Variants in KCNB2 observed in about 807,000 individuals in gnomAD.
The protein encoded by KCNB2 is delayed rectifier potassium channel protein.
KCNB2 carries 15 observed loss-of-function variants against 61.5 expected under a neutral mutation model. That is an observed-to-expected ratio of 0.24 (90% CI 0.16 to 0.38). KCNB2 has a LOEUF of 0.38. KCNB2 is among the 10% of genes least tolerant of loss of function. The pLI, the probability that KCNB2 is intolerant of heterozygous loss-of-function variation, is 1.00. For missense variants in KCNB2, 828 were observed against 1,125.2 expected, an observed-to-expected ratio of 0.74 and a Z score of 3.78; for synonymous variants, 457 against 446.0, an observed-to-expected ratio of 1.02 and a Z score of -0.31.
chr8:72,681,827 A>G (rs1399067906), intron 2 of KCNB2, among the ~76,000 whole-genome samples: 1 of 152,158 alleles, frequency 6.6e-6, no homozygotes, highest in Non-Finnish European at 1.5e-5. Context: ...TAATTTTTTC[A>G]GCTCCATTAT....
chr8:72,684,640 C>A (rs1215631629), intron 2 of KCNB2, among the ~76,000 whole-genome samples: 2 of 152,066 alleles, frequency 1.3e-5, no homozygotes, highest in Admixed American at 1.3e-4. Context: ...TAAATAAAGC[C>A]CTAGTATAGT....
chr8:72,851,830 A>AAAAAAAATAAAAAT (rs1275232914), intron 2 of KCNB2, among the ~76,000 whole-genome samples: 3 of 139,126 alleles, frequency 2.2e-5, no homozygotes, highest in Admixed American at 7.2e-5. Context: ...CTGTAGGAAA[A>AAAAAAAATAAAAAT]AAAAAAAAAA....
intron 2 of KCNB2, among the ~76,000 whole-genome samples, chr8:72,895,623 A>G (rs1426325067): frequency 6.6e-6 from 1 of 152,210 alleles, no homozygotes; most frequent in East Asian, 1.9e-4. Context: ...ATGCAACAGA[A>G]TAAAGTTGCA....
At chr8:72,659,777 A>G (rs565983157) in intron 2 of KCNB2, among the ~76,000 whole-genome samples, 1 of 152,254 alleles carries the variant, frequency 6.6e-6, no homozygotes, top group African/African-American at 2.4e-5. Flanking sequence ...TCAGATGATC[A>G]TTAGCATTTT....
intron 2 of KCNB2, among the ~76,000 whole-genome samples, chr8:72,849,167 T>TTG (rs1554538572): frequency 6.7e-6 from 1 of 150,370 alleles, no homozygotes; most frequent in African/African-American, 2.5e-5. Flanking sequence ...TTTTTTATTT[T>TTG]ACAATATCTA....
chr8:72,914,693 G>A lies in KCNB2; in HGVS notation c.580-21242G>A, dbSNP rs958725927. The stretch of plus-strand genomic sequence containing the variant: ...AAGAATTTAAAACAATTTAATGGAC[G>A]ATACATTGGTGTTGAGAATTCAGCC... On this transcript the variant is annotated intron_variant, in intron 2 of 2. Coordinates refer to ENST00000523207, the MANE Select transcript of KCNB2 (RefSeq NM_004770.3). Among the ~76,000 whole-genome samples, 6 of 152,134 alleles carry A rather than the reference G, an allele frequency of 3.9e-5. No individual in the cohort carries two copies. The South Asian group carries it at 6.2e-4, about 16-fold the overall frequency.
chr8:72,636,906 A>G (rs1805974423), intron 2 of KCNB2, among the ~76,000 whole-genome samples: 1 of 152,270 alleles, frequency 6.6e-6, no homozygotes, highest in African/African-American at 2.4e-5. Context: ...AAGACTGATC[A>G]TTGTTTTCCA....
At chr8:72,818,631 T>C (rs1440336) in intron 2 of KCNB2, among the ~76,000 whole-genome samples, 20,478 of 152,214 alleles carry the variant, frequency 0.13, 2,071 homozygotes, top group East Asian at 0.48. Flanking sequence ...ATATATTTTA[T>C]GATGCTAGTT....
intron 2 of KCNB2, among the ~76,000 whole-genome samples, chr8:72,573,659 G>A (rs1451833590): frequency 6.9e-5 from 10 of 144,228 alleles, no homozygotes; most frequent in Non-Finnish European, 1.4e-4. Context: ...TCTGTGTACC[G>A]TGCAGTGCTC....
chr8:72,564,756 T>C (rs1377756571), intron 1 of KCNB2, among the ~76,000 whole-genome samples: 1 of 152,158 alleles, frequency 6.6e-6, no homozygotes, highest in African/African-American at 2.4e-5. Flanking sequence ...AGAGAAAAGT[T>C]TGGACCCACA....
Position 72,873,969 on chromosome 8 carries a change from A to T in KCNB2, c.580-61966A>T, listed in dbSNP as rs140893249. ...CCTGAAACTCATTTTCTGATAGCAG[A>T]TAGAGTGTCATTTACAGTTTTGACA... On this transcript the variant is annotated intron_variant, in intron 2 of 2. Transcript: ENST00000523207. 8.5e-3 allele frequency among the ~76,000 whole-genome samples: 1,289 copies of T among 152,328 alleles called. 16 individuals are homozygous for T. Among genetic ancestry groups the T allele is most frequent in the African/African-American group, 0.029 (1,220 of 41,582 alleles).
At chr8:72,711,185 T>C (rs1445007938) in intron 2 of KCNB2, among the ~76,000 whole-genome samples, 3 of 152,230 alleles carry the variant, frequency 2.0e-5, no homozygotes, top group African/African-American at 7.2e-5. Flanking sequence ...AATTGATTAC[T>C]CTGGACCAGA....
chr8:72,616,499 T>C (rs1805621828), intron 2 of KCNB2, among the ~76,000 whole-genome samples: 1 of 152,212 alleles, frequency 6.6e-6, no homozygotes, highest in Non-Finnish European at 1.5e-5. Context: ...TTTTTCTTTT[T>C]TCATTCAGGT....
intron 2 of KCNB2, among the ~76,000 whole-genome samples, chr8:72,674,239 A>G (rs1334715763): frequency 6.6e-6 from 1 of 152,226 alleles, no homozygotes; most frequent in African/African-American, 2.4e-5. Flanking sequence ...TGGTGATGAT[A>G]ATATCTACCT....
At chr8:72,919,792 G>A (rs1036933275) in intron 2 of KCNB2, among the ~76,000 whole-genome samples, 11 of 152,058 alleles carry the variant, frequency 7.2e-5, no homozygotes, top group African/African-American at 2.2e-4. Flanking sequence ...TAATATGCTC[G>A]GTGTATTTTT....
At chr8:72,894,016 T>C (rs1563415906) in intron 2 of KCNB2, among the ~76,000 whole-genome samples, 1 of 152,230 alleles carries the variant, frequency 6.6e-6, no homozygotes, top group Non-Finnish European at 1.5e-5. Flanking sequence ...AGTGATACTT[T>C]CTTTGCTCTT....
intron 2 of KCNB2, among the ~76,000 whole-genome samples, chr8:72,811,466 A>G (rs773614875): frequency 4.6e-5 from 7 of 152,022 alleles, no homozygotes; most frequent in Non-Finnish European, 7.4e-5. Flanking sequence ...CCACATTCTC[A>G]TTGTTTTATC....
intron 2 of KCNB2, among the ~76,000 whole-genome samples, chr8:72,772,312 T>C (rs1328038994): frequency 6.6e-6 from 1 of 152,228 alleles, no homozygotes; most frequent in East Asian, 1.9e-4. Flanking sequence ...TTGTGGGGGC[T>C]TTCCTGTACA....
chr8:72,747,319 C>A (rs907555285), intron 2 of KCNB2, among the ~76,000 whole-genome samples: 1 of 152,114 alleles, frequency 6.6e-6, no homozygotes. Flanking sequence ...GGTGCCTGGC[C>A]CCATGGTGAT....
Sources: allele counts gnomAD v4.1 joint callset (sites outside exome capture counted in the v4.1 genomes callset), GRCh38; gene constraint gnomAD v4.1.1; transcripts MANE v1.5; gene names NCBI Gene and HGNC (gene_info 2026-07-23, HGNC 2026-07-21).